Variants in RTN1 observed in about 807,000 individuals in gnomAD.
The protein encoded by RTN1 is reticulon 1, also known as reticulon-1.
In RTN1, 25 loss-of-function variants were observed where a neutral mutation model predicts 65.5. That is an observed-to-expected ratio of 0.38 (90% CI 0.28 to 0.53). The LOEUF is 0.53. RTN1 is among the 20% of genes least tolerant of loss of function. The probability of loss-of-function intolerance (pLI) is 0.79; values close to 1 mark genes in which losing one functional copy is unlikely to be tolerated. For missense variants in RTN1, 983 were observed against 1,025.4 expected (o/e 0.96, Z 0.57); for synonymous variants, 471 against 447.6 (o/e 1.05, Z -0.66).
At chr14:59,658,108 C>T (rs1035817094) in intron 3 of RTN1, among the ~76,000 whole-genome samples, 3 of 152,240 alleles carry the variant, frequency 2.0e-5, no homozygotes, top group African/African-American at 7.2e-5. Context: ...TTCCCCCTCA[C>T]AGTGTAAACA....
chr14:59,731,458 A>G (rs560390656), intron 2 of RTN1, among the ~76,000 whole-genome samples: 1 of 152,296 alleles, frequency 6.6e-6, no homozygotes, highest in African/African-American at 2.4e-5. Flanking sequence ...AACCATGGAA[A>G]TGTACATTTA....
rs527779715 is a variant in RTN1, at chr14:59,746,009, T to A, written c.714A>T (p.Glu238Asp). The A allele has an allele frequency of 6.2e-7, 1 of 1,614,180 alleles. No individual in the cohort carries two copies. The highest frequency in any genetic ancestry group is 1.1e-5 in the South Asian group (1 of 91,080). Residue 238 changes from glutamate to aspartate, a missense_variant, in exon 2 of 9, where the codon GAA becomes GAT. Physicochemically the swap from Glu to Asp is conservative, Grantham distance 45 (BLOSUM62 2). Transcript: ENST00000267484. ...DISIKPEGVR[E>D]PDKPAPVEGK... Reference sequence around the variant, plus strand: ...CCTCCACAGGAGCTGGTTTGTCAGGTTCACGGACTCCTTCAGGTTTAATTG... The same window carrying A: ...CCTCCACAGGAGCTGGTTTGTCAGGATCACGGACTCCTTCAGGTTTAATTG...
intron 3 of RTN1, among the ~76,000 whole-genome samples, chr14:59,715,123 T>C (rs1206316307): frequency 6.6e-6 from 1 of 152,222 alleles, no homozygotes; most frequent in Non-Finnish European, 1.5e-5. Flanking sequence ...TGGGGACTAC[T>C]GATATAAACT....
chr14:59,863,436 A>G (rs529679738), intron 1 of RTN1, among the ~76,000 whole-genome samples: 1 of 152,192 alleles, frequency 6.6e-6, no homozygotes, highest in East Asian at 1.9e-4. Flanking sequence ...TATCTTAACC[A>G]CAAGCAGCAT....
At chr14:59,763,904 C>T (rs1024034458) in intron 1 of RTN1, among the ~76,000 whole-genome samples, 2 of 152,156 alleles carry the variant, frequency 1.3e-5, no homozygotes, top group African/African-American at 2.4e-5. Context: ...CTGGTACAAC[C>T]TACCTAGGTG....
chr14:59,776,362 T>A (rs1471639368), intron 1 of RTN1, among the ~76,000 whole-genome samples: 1 of 152,140 alleles, frequency 6.6e-6, no homozygotes, highest in Non-Finnish European at 1.5e-5. Context: ...AGAGCAACTT[T>A]GGCCCTATTT....
intron 3 of RTN1, among the ~76,000 whole-genome samples, chr14:59,633,929 T>C (rs1009790135): frequency 6.6e-6 from 1 of 152,214 alleles, no homozygotes. Context: ...GGCATCTGCA[T>C]TGATACATTT....
chr14:59,727,893 T>C lies in RTN1; in HGVS notation c.1016-225A>G, dbSNP rs944702685. 2.0e-5 allele frequency among the ~76,000 whole-genome samples: 3 copies of C among 152,212 alleles called. No homozygotes were observed. Among genetic ancestry groups the C allele is most frequent in the African/African-American group, 7.2e-5 (3 of 41,444 alleles). ...TTACTGTTATGGCCCAATTAATTAG[T>C]GTTTTACAGACCTCTCTATCTTCAG... On this transcript the variant is annotated intron_variant, in intron 2 of 8. Transcript: ENST00000267484. The surrounding 1 kb of genome is among the most constrained non-coding windows in gnomAD (Gnocchi z 4.2).
intron 1 of RTN1, among the ~76,000 whole-genome samples, chr14:59,813,493 T>C (rs1398802810): frequency 6.6e-6 from 1 of 152,224 alleles, no homozygotes; most frequent in Non-Finnish European, 1.5e-5. Flanking sequence ...CAACCAATCA[T>C]CTACTTATTC....
chr14:59,869,398 A>C (rs1887850882), intron 1 of RTN1, among the ~76,000 whole-genome samples: 1 of 151,818 alleles, frequency 6.6e-6, no homozygotes. Flanking sequence ...AGAGCACCAC[A>C]CAGCATCCCC....
intron 1 of RTN1, among the ~76,000 whole-genome samples, chr14:59,775,142 G>A (rs552248991): frequency 6.6e-6 from 1 of 152,268 alleles, no homozygotes; most frequent in Admixed American, 6.5e-5. Context: ...TCTAGACTGA[G>A]TTAAGAGGGG....
At chr14:59,837,675 A>G (rs1887236964) in intron 1 of RTN1, among the ~76,000 whole-genome samples, 1 of 152,192 alleles carries the variant, frequency 6.6e-6, no homozygotes, top group African/African-American at 2.4e-5. Flanking sequence ...AACTGGCTTC[A>G]CATGTAATCA....
chr14:59,778,661 C>G (rs977698978), intron 1 of RTN1, among the ~76,000 whole-genome samples: 1 of 152,166 alleles, frequency 6.6e-6, no homozygotes, highest in Admixed American at 6.6e-5. Flanking sequence ...GTGCAGCATA[C>G]AGCAGGCACA....
intron 8 of RTN1, among the ~76,000 whole-genome samples, chr14:59,601,504 T>C (rs890125775): frequency 1.3e-5 from 2 of 152,228 alleles, no homozygotes; most frequent in Non-Finnish European, 2.9e-5. Context: ...GATCATTTCA[T>C]TTATCTTTAT....
rs757937732 is a variant in RTN1, at chr14:59,745,700, G to A, written c.1015+8C>T. 1.9e-6 allele frequency: 3 copies of A among 1,588,716 alleles called. No individual in the cohort carries two copies. The highest frequency in any genetic ancestry group is 2.6e-6 in the Non-Finnish European group (3 of 1,169,694). On this transcript the variant is annotated splice_region_variant and intron_variant, in intron 2 of 8. Coordinates refer to ENST00000267484, the MANE Select transcript of RTN1 (RefSeq NM_021136.3). ...TTTTCCTAAGTCAAGCAATAACAGG[G>A]CCTTTACCTGTTCCAGAAGATGGAG...
chr14:59,843,593 C>T lies in RTN1; in HGVS notation c.241+26797G>A, dbSNP rs149856530. 1.5e-3 allele frequency among the ~76,000 whole-genome samples: 231 copies of T among 152,204 alleles called. 1 individual carries two copies. Among genetic ancestry groups the T allele is most frequent in the African/African-American group, 5.1e-3 (211 of 41,526 alleles). On this transcript the variant is annotated intron_variant, in intron 1 of 8. Transcript: ENST00000267484. Reference sequence around the variant, plus strand: ...ACCTGTTACTAACATCTGCTAAGCACGTGTAACTGCACACACTTGGAAAAA... The same window carrying T: ...ACCTGTTACTAACATCTGCTAAGCATGTGTAACTGCACACACTTGGAAAAA...
Position 59,846,182 on chromosome 14 carries a change from C to CAG in RTN1, c.241+24206_241+24207dup, listed in dbSNP as rs1380398487. ...AATGAGGATGATGCAAGAAGAGAACCAGTACCACAGCTGTGACTTCTTCCT... is the reference window on the plus strand; with the variant it reads ...AATGAGGATGATGCAAGAAGAGAACCAGAGTACCACAGCTGTGACTTCTTCCT... On this transcript the variant is annotated intron_variant, in intron 1 of 8. Transcript: ENST00000267484. This position sits in a 1 kb window ranked among gnomAD's most constrained non-coding sequence, Gnocchi z 4.8. Among the ~76,000 whole-genome samples, 2 of 152,146 alleles carry CAG rather than the reference C, an allele frequency of 1.3e-5. No homozygotes were observed. Among genetic ancestry groups the CAG allele is most frequent in the African/African-American group, 4.8e-5 (2 of 41,432 alleles).
At chr14:59,679,545 A>T (rs1406680689) in intron 3 of RTN1, among the ~76,000 whole-genome samples, 2 of 152,232 alleles carry the variant, frequency 1.3e-5, no homozygotes, top group Non-Finnish European at 2.9e-5. Context: ...GGTTATTAAA[A>T]AGGGTTGAAC....
At chr14:59,641,031 G>C (rs1882768435) in intron 3 of RTN1, among the ~76,000 whole-genome samples, 1 of 152,078 alleles carries the variant, frequency 6.6e-6, no homozygotes, top group Non-Finnish European at 1.5e-5. Context: ...TGCAATCATG[G>C]CTCACTGCAG....
Sources: gnomAD v4.1 joint callset for allele counts (sites outside exome capture counted in the v4.1 genomes callset) on GRCh38, gnomAD v4.1.1 for gene constraint, Gnocchi (gnomAD v3.1) non-coding constraint, MANE v1.5 for transcripts, NCBI Gene and HGNC (gene_info 2026-07-23, HGNC 2026-07-21) for gene names.